The following PTPRF variants were observed in gnomAD, a reference collection of about 807,000 sequenced individuals.
PTPRF encodes protein tyrosine phosphatase receptor type F, also known as receptor-type tyrosine-protein phosphatase F.
A neutral mutation model predicts 201.8 loss-of-function variants in PTPRF; 59 were observed. The ratio of observed to expected loss-of-function variants is 0.29; its 90% CI spans 0.24 to 0.36. The LOEUF (loss-of-function observed/expected upper bound fraction) is 0.36, where lower values mean the gene tolerates loss of function less well. Ranked by LOEUF, PTPRF falls within the 10% of genes least tolerant of loss-of-function variation. The pLI is 1.00. For synonymous variants in PTPRF, 1,088 were observed against 1,089.7 expected, an observed-to-expected ratio of 1.00 and a Z score of 0.03; for missense variants, 2,132 against 2,690.5, an observed-to-expected ratio of 0.79 and a Z score of 4.59.
chr1:43,549,060 AC>A (rs1321604609), intron 3 of PTPRF, among the ~76,000 whole-genome samples: 2 of 151,914 alleles, frequency 1.3e-5, no homozygotes, highest in Non-Finnish European at 2.9e-5. Context: ...TGCCGTCCAT[AC>A]CCCGGGAGCT....
At position 43,617,430 on chromosome 1, in the gene PTPRF, C is replaced by G; in HGVS notation, c.4072-15C>G. ...GCTCTTACCCCACCCCACCCGCTTT[C>G]TCCATTCTCTGCAGTCCATCGACCC... On this transcript the variant is annotated splice_polypyrimidine_tract_variant and intron_variant, in intron 23 of 33. Transcript: ENST00000359947. The G allele has an allele frequency of 6.2e-7, 1 of 1,614,086 alleles. No individual in the cohort carries two copies. The highest frequency in any genetic ancestry group is 8.5e-7 in the Non-Finnish European group (1 of 1,179,988).
intron 5 of PTPRF, among the ~76,000 whole-genome samples, chr1:43,564,200 T>G (rs961860995): frequency 4.6e-5 from 7 of 152,012 alleles, no homozygotes; most frequent in African/African-American, 1.2e-4. Context: ...CCTGGAAGCC[T>G]GGGGGTGGGG....
chr1:43,574,714 A>C (rs879638925), intron 6 of PTPRF, among the ~76,000 whole-genome samples: 1 of 152,226 alleles, frequency 6.6e-6, no homozygotes, highest in Non-Finnish European at 1.5e-5. Context: ...AGAGAGAATC[A>C]TTGTGCGGAT....
At position 43,554,188 on chromosome 1, in the gene PTPRF, T is replaced by G. The variant is rs898077626; in HGVS notation, c.379+247T>G. On this transcript the variant is annotated intron_variant, in intron 5 of 33. Coordinates refer to ENST00000359947, the MANE Select transcript of PTPRF (RefSeq NM_002840.5). This position sits in a 1 kb window ranked among gnomAD's most constrained non-coding sequence, Gnocchi z 4.1. ...TTCTCCTGCTGAGCCGGGTCGTTGG[T>G]TGGGTGGGGTCTGGGGTCTGACTTG... 1.3e-5 allele frequency among the ~76,000 whole-genome samples: 2 copies of G among 151,912 alleles called. No individual in the cohort carries two copies. The highest frequency in any genetic ancestry group is 2.9e-5 in the Non-Finnish European group (2 of 67,946).
In PTPRF at chr1:43,621,133, G is replaced by A. The variant is rs754466378; in HGVS notation, c.5556G>A (p.Leu1852=). 2 of 1,614,034 alleles carry A rather than the reference G, an allele frequency of 1.2e-6. No homozygotes were observed. The highest frequency in any genetic ancestry group is 1.7e-6 in the Non-Finnish European group (2 of 1,179,976). ...GVGRTGVFIT[L]SIVLERMRYE... is the part of the protein sequence containing the mutation. ...GCCGCACCGGGGTGTTCATCACTCT[G>A]AGCATCGTCCTGGAGCGCATGCGCT... Residue 1852 remains leucine (L), a synonymous_variant, in exon 33 of 34, where the codon CTG becomes CTA. Coordinates refer to ENST00000359947, the MANE Select transcript of PTPRF (RefSeq NM_002840.5).
At chr1:43,601,937 A>G (rs1653849195) in intron 13 of PTPRF, 134 bp from the exon 14 acceptor site, 1 of 956,202 alleles carries the variant, frequency 1.0e-6, no homozygotes, top group South Asian at 1.4e-5. Flanking sequence ...CTGGGGTGCT[A>G]CCCCCATGGG....
chr1:43,607,456 C>T (rs911522170), intron 21 of PTPRF, among the ~76,000 whole-genome samples: 2 of 152,174 alleles, frequency 1.3e-5, no homozygotes, highest in African/African-American at 2.4e-5. Context: ...CTGCTGTGCC[C>T]GTGCCATCCG....
At chr1:43,598,952 C>A (rs1309980155) in intron 13 of PTPRF, 39 bp downstream of exon 13, 1 of 1,593,092 alleles carries the variant, frequency 6.3e-7, no homozygotes, top group Non-Finnish European at 8.6e-7. Context: ...AGGGTGAGCA[C>A]AGACCAGCAT....
intron 11 of PTPRF, among the ~76,000 whole-genome samples, chr1:43,596,853 G>A (rs553891771): frequency 6.6e-6 from 1 of 152,332 alleles, no homozygotes; most frequent in African/African-American, 2.4e-5. Context: ...GAGAGACCTC[G>A]TGTGAGAGAT....
At chr1:43,595,030 A>G (rs1421203668) in intron 11 of PTPRF, among the ~76,000 whole-genome samples, 2 of 152,110 alleles carry the variant, frequency 1.3e-5, no homozygotes, top group African/African-American at 2.4e-5. Context: ...GGCCCTGGAG[A>G]TGAAGCTTGG....
Position 43,606,832 on chromosome 1 carries a change from C to T in PTPRF, c.3721C>T (p.Pro1241Ser). 1 of 1,613,900 alleles carries T rather than the reference C, an allele frequency of 6.2e-7. No individual in the cohort carries two copies. The highest frequency in any genetic ancestry group is 8.5e-7 in the Non-Finnish European group (1 of 1,180,004). Residue 1241 changes from proline to serine, a missense_variant, in exon 21 of 34, where the codon CCC becomes TCC. Physicochemically the swap from Pro to Ser is moderately conservative, Grantham distance 74. Around this residue, in one of 6 missense-constraint regions of PTPRF, gnomAD observed 818 missense variants for 915.3 expected, o/e 0.89. Transcript: ENST00000359947. ...GCCACAGAAGCGCTATGCCTCCAGC[C>T]CCTACTCGGATGAGATCGTGGTCCA... ...PMDQKRYASSPYSDEIVVQVT... is the reference protein window; with the variant it reads ...PMDQKRYASSSYSDEIVVQVT...
intron 5 of PTPRF, among the ~76,000 whole-genome samples, chr1:43,569,343 C>T (rs940986407): frequency 3.3e-5 from 5 of 151,990 alleles, no homozygotes; most frequent in Admixed American, 6.6e-5. Flanking sequence ...CAGTCTGAGG[C>T]GTTGCCTCTC....
At position 43,578,772 on chromosome 1, in the gene PTPRF, A is replaced by G. The variant is rs918555028; in HGVS notation, c.569-38A>G. ...CACCGTGTTCCAGGCCACACTCGACATGGGCCGTGCCTGACCTCTCGCTTC... is the reference window on the plus strand; with the variant it reads ...CACCGTGTTCCAGGCCACACTCGACGTGGGCCGTGCCTGACCTCTCGCTTC... On this transcript the variant is annotated intron_variant, in intron 6 of 33. Coordinates refer to ENST00000359947, the MANE Select transcript of PTPRF (RefSeq NM_002840.5). 5.9e-6 allele frequency: 9 copies of G among 1,516,908 alleles called. No homozygotes were observed. In the East Asian group the frequency reaches 1.6e-4, roughly 27 times the overall value. 94.0% of individuals were successfully genotyped at this position (1,516,908 alleles called of 1,614,324 possible).
At chr1:43,589,185 C>T (rs990645185) in intron 8 of PTPRF, among the ~76,000 whole-genome samples, 185 bp downstream of exon 8, 1 of 151,856 alleles carries the variant, frequency 6.6e-6, no homozygotes, top group Non-Finnish European at 1.5e-5. Context: ...TATTAGCCGG[C>T]TTAATGATAA....
At chr1:43,548,446 G>A (rs1644820236) in intron 3 of PTPRF, among the ~76,000 whole-genome samples, 3 of 151,980 alleles carry the variant, frequency 2.0e-5, no homozygotes, top group Non-Finnish European at 2.9e-5. Context: ...GTTGTCTGTC[G>A]TCATGCTCTC....
intron 2 of PTPRF, among the ~76,000 whole-genome samples, chr1:43,544,007 G>A (rs1644505235): frequency 6.6e-6 from 1 of 152,206 alleles, no homozygotes; most frequent in Non-Finnish European, 1.5e-5. Flanking sequence ...GCCAGGGAGT[G>A]ATAGCAGCGT....
chr1:43,598,206 G>A (rs1367138010), intron 12 of PTPRF, 153 bp downstream of exon 12: 5 of 818,700 alleles, frequency 6.1e-6, no homozygotes, highest in Non-Finnish European at 8.8e-6. Flanking sequence ...TGTCACTTAC[G>A]GGATAACTGA....
At chr1:43,598,609 G>A in intron 12 of PTPRF, 111 bp from the exon 13 acceptor site, 1 of 1,006,226 alleles carries the variant, frequency 9.9e-7, no homozygotes, top group Non-Finnish European at 1.5e-6. Flanking sequence ...CTGTATCAGG[G>A]CCTTTCCTGG....
chr1:43,527,635 C>A (rs1643175299), upstream of PTPRF, among the ~76,000 whole-genome samples: 1 of 152,228 alleles, frequency 6.6e-6, no homozygotes, highest in Non-Finnish European at 1.5e-5. Context: ...GTTGGCACAG[C>A]AGTGAGCACA....
Sources: gnomAD v4.1 joint callset for allele counts (sites outside exome capture counted in the v4.1 genomes callset) on GRCh38, gnomAD v4.1.1 for gene constraint, gnomAD v4.1.1 regional missense constraint, Gnocchi (gnomAD v3.1) non-coding constraint, MANE v1.5 for transcripts, NCBI Gene and HGNC (gene_info 2026-07-23, HGNC 2026-07-21) for gene names.